CDH4: variants seen among roughly 807,000 people sequenced by gnomAD.
CDH4 encodes the protein cadherin-4.
Under a neutral mutation model 86.0 loss-of-function variants are expected in CDH4, and 33 were observed. That is an observed-to-expected ratio of 0.38 (90% CI 0.29 to 0.51). CDH4 has a LOEUF of 0.51. Ranked by LOEUF, CDH4 falls within the 20% of genes least tolerant of loss-of-function variation. The probability of loss-of-function intolerance (pLI) is 0.86; values close to 1 mark genes in which losing one functional copy is unlikely to be tolerated. For synonymous variants in CDH4, 555 were observed against 549.4 expected, an observed-to-expected ratio of 1.01 and a Z score of -0.14; for missense variants, 1,114 against 1,307.4, an observed-to-expected ratio of 0.85 and a Z score of 2.28.
chr20:61,857,898 T>C (rs1018508559), intron 6 of CDH4, among the ~76,000 whole-genome samples: 1 of 152,058 alleles, frequency 6.6e-6, no homozygotes, highest in Non-Finnish European at 1.5e-5. Flanking sequence ...TGTGTGTGTG[T>C]CTCTGTGTGC....
intron 2 of CDH4, among the ~76,000 whole-genome samples, chr20:61,717,247 G>A (rs12624695): frequency 2.6e-5 from 4 of 152,318 alleles, no homozygotes; most frequent in Admixed American, 1.3e-4. Context: ...GAGCAGCCCA[G>A]GACAGCCACA....
chr20:61,613,661 A>G (rs1054968584), intron 2 of CDH4, among the ~76,000 whole-genome samples: 2 of 151,390 alleles, frequency 1.3e-5, no homozygotes, highest in African/African-American at 4.9e-5. Context: ...ATTAATTTCA[A>G]GAAGGTAAAA....
At position 61,500,609 on chromosome 20, in the gene CDH4, CAA is replaced by C. The variant is rs529379128; in HGVS notation, c.170-242953_170-242952del. Among the ~76,000 whole-genome samples, 399 of 152,328 alleles carry C rather than the reference CAA, an allele frequency of 2.6e-3. 2 individuals are homozygous for C. Among genetic ancestry groups the C allele is most frequent in the African/African-American group, 9.0e-3 (375 of 41,576 alleles). On this transcript the variant is annotated intron_variant, in intron 2 of 15. Coordinates refer to ENST00000614565, the MANE Select transcript of CDH4 (RefSeq NM_001794.5). ...TTCTGCAATGTGTGCTCTTTCCTCT[CAA>C]GACACAGAGAGGAAAAGACCTCTGA...
intron 2 of CDH4, among the ~76,000 whole-genome samples, chr20:61,435,206 C>T (rs1231959213): frequency 6.6e-6 from 1 of 152,334 alleles, no homozygotes; most frequent in African/African-American, 2.4e-5. Flanking sequence ...GGACTGACTG[C>T]GCCATGCTGT....
intron 2 of CDH4, among the ~76,000 whole-genome samples, chr20:61,358,212 G>A (rs1015744307): frequency 1.3e-5 from 2 of 152,190 alleles, no homozygotes; most frequent in African/African-American, 2.4e-5. Flanking sequence ...TGAGCTGTTG[G>A]TTTAGGATGA....
intron 4 of CDH4, among the ~76,000 whole-genome samples, chr20:61,812,825 C>T (rs371444903): frequency 9.8e-5 from 15 of 152,326 alleles, no homozygotes; most frequent in African/African-American, 3.4e-4. Flanking sequence ...AGGGGTTGTG[C>T]TCTCCAGGCC....
intron 2 of CDH4, among the ~76,000 whole-genome samples, chr20:61,651,515 C>A (rs1164497041): frequency 6.6e-6 from 1 of 152,176 alleles, no homozygotes; most frequent in Non-Finnish European, 1.5e-5. Flanking sequence ...GGTCAGCCCC[C>A]GCCTGGAGGC....
At chr20:61,325,928 G>A (rs866526499) in intron 2 of CDH4, among the ~76,000 whole-genome samples, 1 of 152,180 alleles carries the variant, frequency 6.6e-6, no homozygotes, top group African/African-American at 2.4e-5. Context: ...GGTTGGCCTG[G>A]TCAGTGCCGT....
intron 2 of CDH4, among the ~76,000 whole-genome samples, chr20:61,281,882 G>A (rs1326083014): frequency 6.6e-6 from 1 of 152,230 alleles, no homozygotes; most frequent in African/African-American, 2.4e-5. Flanking sequence ...TGCAGAGTTA[G>A]CAAGTCCTGG....
Position 61,811,147 on chromosome 20 carries a change from C to CA in CDH4, c.577-33515dup, listed in dbSNP as rs545925088. Among the ~76,000 whole-genome samples, 5 of 152,186 alleles carry CA rather than the reference C, an allele frequency of 3.3e-5. No individual in the cohort carries two copies. The South Asian group carries it at 6.2e-4, about 19-fold the overall frequency. Reference sequence around the variant, plus strand: ...GGAAGAACAACAGAAACCACATTTCCAAAAAACCAAACATCCCCAAACTCT... The same window carrying CA: ...GGAAGAACAACAGAAACCACATTTCCAAAAAAACCAAACATCCCCAAACTCT... On this transcript the variant is annotated intron_variant, in intron 4 of 15. Coordinates refer to ENST00000614565, the MANE Select transcript of CDH4 (RefSeq NM_001794.5). This position sits in a 1 kb window ranked among gnomAD's most constrained non-coding sequence, Gnocchi z 4.4.
intron 2 of CDH4, among the ~76,000 whole-genome samples, chr20:61,660,494 C>T (rs2087240945): frequency 6.6e-6 from 1 of 152,200 alleles, no homozygotes; most frequent in Non-Finnish European, 1.5e-5. Flanking sequence ...TCCCCCAAGT[C>T]CTGCGTGTAT....
intron 2 of CDH4, among the ~76,000 whole-genome samples, chr20:61,487,641 A>G (rs949575635): frequency 3.3e-5 from 5 of 152,200 alleles, no homozygotes; most frequent in African/African-American, 1.2e-4. Flanking sequence ...AACTAAATGC[A>G]ATCTGACAAG....
At chr20:61,682,337 A>G (rs1220538706) in intron 2 of CDH4, among the ~76,000 whole-genome samples, 2 of 138,084 alleles carry the variant, frequency 1.4e-5, no homozygotes, top group Admixed American at 7.1e-5. Flanking sequence ...GGGAGGGAGG[A>G]AGGGAGAGAT....
At chr20:61,334,337 G>A (rs1441787564) in intron 2 of CDH4, among the ~76,000 whole-genome samples, 1 of 152,156 alleles carries the variant, frequency 6.6e-6, no homozygotes, top group Non-Finnish European at 1.5e-5. Flanking sequence ...TGTTTTCCAG[G>A]TGAGGATCAG....
At chr20:61,514,729 A>C (rs2145617857) in intron 2 of CDH4, among the ~76,000 whole-genome samples, 1 of 152,368 alleles carries the variant, frequency 6.6e-6, no homozygotes, top group African/African-American at 2.4e-5. Flanking sequence ...ACCCTTGGCA[A>C]TGCAGCTGAA....
chr20:61,685,800 G>GC (rs2087567309), intron 2 of CDH4, among the ~76,000 whole-genome samples: 1 of 152,224 alleles, frequency 6.6e-6, no homozygotes, highest in Non-Finnish European at 1.5e-5. Flanking sequence ...TGCACCCTCA[G>GC]CCCCCTGCAG....
chr20:61,389,991 C>A (rs955172402), intron 2 of CDH4, among the ~76,000 whole-genome samples: 2 of 144,738 alleles, frequency 1.4e-5, no homozygotes, highest in African/African-American at 5.2e-5. Context: ...TAAATGAGAT[C>A]ATGCAGTCAT....
At chr20:61,607,387 A>C (rs2086653667) in intron 2 of CDH4, among the ~76,000 whole-genome samples, 1 of 152,200 alleles carries the variant, frequency 6.6e-6, no homozygotes, top group Non-Finnish European at 1.5e-5. Flanking sequence ...TAAGATGAGA[A>C]GGTCCTGTTT....
At chr20:61,763,731 C>A (rs2088666195) in intron 3 of CDH4, among the ~76,000 whole-genome samples, 1 of 152,164 alleles carries the variant, frequency 6.6e-6, no homozygotes, top group African/African-American at 2.4e-5. Flanking sequence ...TGCCCTCCCC[C>A]ATGTGGCTTC....
Sources: allele counts gnomAD v4.1 joint callset (sites outside exome capture counted in the v4.1 genomes callset), GRCh38; gene constraint gnomAD v4.1.1; non-coding constraint Gnocchi (gnomAD v3.1); transcripts MANE v1.5; gene names NCBI Gene and HGNC (gene_info 2026-07-23, HGNC 2026-07-21).